The following KIAA1549L variants were observed in gnomAD, a reference collection of about 807,000 sequenced individuals.
KIAA1549L encodes UPF0606 protein KIAA1549L.
In KIAA1549L, 88 loss-of-function variants were observed where a neutral mutation model predicts 160.7. The ratio of observed to expected loss-of-function variants is 0.55; its 90% CI spans 0.46 to 0.65. The LOEUF is 0.65. Ranked by LOEUF, KIAA1549L falls within the 30% of genes least tolerant of loss-of-function variation. KIAA1549L has a pLI of 0.00. For synonymous variants in KIAA1549L, 950 were observed against 976.7 expected, an observed-to-expected ratio of 0.97 and a Z score of 0.51; for missense variants, 2,258 against 2,437.5, an observed-to-expected ratio of 0.93 and a Z score of 1.55.
In KIAA1549L at chr11:33,670,699, T is replaced by G. The variant is rs1329411509; in HGVS notation, c.*2545T>G. On this transcript the variant is annotated 3_prime_UTR_variant, in exon 21 of 21. Transcript: ENST00000658780. ...TGAGAGAGATGACTGGACAGCTGACTCTAAGAGATGGTCAAAAGTGCCTCA... is the reference window on the plus strand; with the variant it reads ...TGAGAGAGATGACTGGACAGCTGACGCTAAGAGATGGTCAAAAGTGCCTCA... The G allele has an allele frequency of 6.6e-6, 1 of 152,206 alleles. No homozygotes were observed. Among genetic ancestry groups the G allele is most frequent in the East Asian group, 1.9e-4 (1 of 5,196 alleles). 9.4% of individuals were successfully genotyped at this position (152,206 alleles called of 1,614,324 possible). A position where few individuals can be genotyped will look rare whatever the true frequency, so the allele number is the denominator to read the frequency against.
At chr11:33,644,668 T>C (rs1851669161) in intron 16 of KIAA1549L, among the ~76,000 whole-genome samples, 1 of 152,250 alleles carries the variant, frequency 6.6e-6, no homozygotes, top group Non-Finnish European at 1.5e-5. Context: ...TTAAAGTAAC[T>C]CTCCTGGTTG....
At chr11:33,440,356 TC>T (rs1228285867) in intron 1 of KIAA1549L, among the ~76,000 whole-genome samples, 6 of 151,598 alleles carry the variant, frequency 4.0e-5, no homozygotes, top group Non-Finnish European at 7.4e-5. Flanking sequence ...GGTCTCGATC[TC>T]CTGACCTCGT....
chr11:33,510,753 G>A lies in KIAA1549L; in HGVS notation c.239-31049G>A, dbSNP rs1853210158. On this transcript the variant is annotated intron_variant, in intron 1 of 20. Transcript: ENST00000658780. ...GACCTCCTGGGGAGTAAGAAGAGAG[G>A]TGAGGCAAGTGCAGAGGCCGCTCCA... Among the ~76,000 whole-genome samples the A allele has an allele frequency of 2.0e-5, 3 of 152,214 alleles. No homozygotes were observed. In the South Asian group the frequency reaches 6.2e-4, roughly 32 times the overall value.
chr11:33,449,497 C>A (rs149753375), intron 1 of KIAA1549L, among the ~76,000 whole-genome samples: 24 of 152,264 alleles, frequency 1.6e-4, no homozygotes, highest in African/African-American at 5.1e-4. Flanking sequence ...TTCCCTACCC[C>A]AGACCTCTTA....
chr11:33,437,018 C>A (rs1851394697), intron 1 of KIAA1549L, among the ~76,000 whole-genome samples: 1 of 152,160 alleles, frequency 6.6e-6, no homozygotes, highest in Non-Finnish European at 1.5e-5. Context: ...TAGTTATACA[C>A]CTGAATTATT....
At chr11:33,633,315 T>A (rs1331253091) in intron 16 of KIAA1549L, among the ~76,000 whole-genome samples, 1 of 151,898 alleles carries the variant, frequency 6.6e-6, no homozygotes, top group Non-Finnish European at 1.5e-5. Context: ...TTGTCATCTT[T>A]GGTTGGCCCA....
rs560385823 is a variant in KIAA1549L, at chr11:33,459,689, C to T, written c.239-82113C>T. 4.6e-5 allele frequency among the ~76,000 whole-genome samples: 7 copies of T among 152,156 alleles called. No individual in the cohort carries two copies. The East Asian group carries it at 9.7e-4, about 21-fold the overall frequency. On this transcript the variant is annotated intron_variant, in intron 1 of 20. Transcript: ENST00000658780. Reference sequence around the variant, plus strand: ...GAAATAGCCTTCATCGGGCCGGGCGCGGTGGCTCATGCCTGTAATCCCAGC... The same window carrying T: ...GAAATAGCCTTCATCGGGCCGGGCGTGGTGGCTCATGCCTGTAATCCCAGC...
At chr11:33,446,496 T>G (rs1851614731) in intron 1 of KIAA1549L, among the ~76,000 whole-genome samples, 1 of 152,182 alleles carries the variant, frequency 6.6e-6, no homozygotes, top group African/African-American at 2.4e-5. Flanking sequence ...CAACACTTAG[T>G]GGCTTGAAAT....
chr11:33,437,937 T>A (rs1373061407), intron 1 of KIAA1549L, among the ~76,000 whole-genome samples: 1 of 152,208 alleles, frequency 6.6e-6, no homozygotes, highest in African/African-American at 2.4e-5. Context: ...GCATTCTGGA[T>A]TCTTTCTCTG....
In KIAA1549L at chr11:33,544,319, A is replaced by AC. The variant is rs1207830583; in HGVS notation, c.2760dup (p.Lys921GlnfsTer11). ...TCCAGAGTGCTGCGGGCTTCTCAGCACCCCAAGAAATGGACAGGTGCAGCC... is the reference window on the plus strand; with the variant it reads ...TCCAGAGTGCTGCGGGCTTCTCAGCACCCCCAAGAAATGGACAGGTGCAGCC... On this transcript the variant is annotated frameshift_variant, in exon 2 of 21. Coordinates refer to ENST00000658780, the MANE Select transcript of KIAA1549L (RefSeq NM_012194.3). LOFTEE classifies it high-confidence loss of function. The AC allele has an allele frequency of 1.9e-6, 3 of 1,613,774 alleles. No homozygotes were observed. Among genetic ancestry groups the AC allele is most frequent in the African/African-American group, 1.3e-5 (1 of 74,914 alleles).
intron 15 of KIAA1549L, among the ~76,000 whole-genome samples, chr11:33,615,643 C>A (rs1850789295): frequency 6.6e-6 from 1 of 152,086 alleles, no homozygotes; most frequent in Non-Finnish European, 1.5e-5. Flanking sequence ...GATGTTGCCT[C>A]CGAGACAAAA....
intron 16 of KIAA1549L, among the ~76,000 whole-genome samples, chr11:33,627,869 T>G (rs1851163615): frequency 6.6e-6 from 1 of 151,184 alleles, no homozygotes; most frequent in Non-Finnish European, 1.5e-5. Context: ...TTCTTTTAAT[T>G]GTGATGTTAG....
At position 33,543,748 on chromosome 11, in the gene KIAA1549L, A is replaced by G. The variant is rs775493961; in HGVS notation, c.2185A>G (p.Ile729Val). Residue 729 changes from isoleucine to valine, a missense_variant, in exon 2 of 21, where the codon ATT becomes GTT. Physicochemically the swap from Ile to Val is conservative, Grantham distance 29 (BLOSUM62 3). Transcript: ENST00000658780. ...QTNYDLNGHT[I>V]STTSWETHLA... ...AAATTATGATTTAAATGGACACACA[A>G]TTAGCACCACAAGTTGGGAAACTCA... is the stretch of plus-strand genomic sequence containing the variant. The G allele has an allele frequency of 6.2e-7, 1 of 1,614,054 alleles. No individual in the cohort carries two copies. The highest frequency in any genetic ancestry group is 1.1e-5 in the South Asian group (1 of 91,084).
At chr11:33,390,702 A>G (rs1012371693) in intron 1 of KIAA1549L, among the ~76,000 whole-genome samples, 1 of 152,204 alleles carries the variant, frequency 6.6e-6, no homozygotes, top group Non-Finnish European at 1.5e-5. Context: ...ACTTCTGAAC[A>G]TTTGTCTCCT....
chr11:33,636,041 C>T (rs1469559210), intron 16 of KIAA1549L, among the ~76,000 whole-genome samples: 3 of 152,216 alleles, frequency 2.0e-5, no homozygotes, highest in African/African-American at 4.8e-5. Flanking sequence ...CCACCCAGGA[C>T]ATGAATCTTG....
At chr11:33,556,949 C>A (rs1854668935) in intron 6 of KIAA1549L, among the ~76,000 whole-genome samples, 1 of 152,120 alleles carries the variant, frequency 6.6e-6, no homozygotes, top group Non-Finnish European at 1.5e-5. Context: ...ACATTGCAAA[C>A]TTTGTAGGCT....
intron 1 of KIAA1549L, among the ~76,000 whole-genome samples, chr11:33,453,328 G>A (rs1019336787): frequency 9.9e-5 from 15 of 152,202 alleles, no homozygotes; most frequent in Admixed American, 7.9e-4. Context: ...ACTGACTAGG[G>A]TAGGGAATGG....
At chr11:33,616,011 A>G (rs1004424699) in intron 15 of KIAA1549L, among the ~76,000 whole-genome samples, 17 of 152,222 alleles carry the variant, frequency 1.1e-4, no homozygotes, top group African/African-American at 3.9e-4. Flanking sequence ...GCAGATAGCT[A>G]TAGGGCACAG....
chr11:33,469,992 T>G (rs1039795707), intron 1 of KIAA1549L, among the ~76,000 whole-genome samples: 4 of 152,256 alleles, frequency 2.6e-5, no homozygotes, highest in African/African-American at 9.6e-5. Flanking sequence ...ATAGTGCACT[T>G]GAAGGCAAAA....
Sources: allele counts gnomAD v4.1 joint callset (sites outside exome capture counted in the v4.1 genomes callset), GRCh38; gene constraint gnomAD v4.1.1; transcripts MANE v1.5; gene names NCBI Gene and HGNC (gene_info 2026-07-23, HGNC 2026-07-21).